The following ABCB10 variants were observed in gnomAD, a reference collection of about 807,000 sequenced individuals.
The protein encoded by ABCB10 is ATP binding cassette subfamily B member 10.
In ABCB10, 54 loss-of-function variants were observed where a neutral mutation model predicts 65.4. The ratio of observed to expected loss-of-function variants is 0.83; its 90% confidence interval spans 0.66 to 1.04. ABCB10 has a LOEUF of 1.04. Among genes scored for constraint, ABCB10 ranks in the 50% least tolerant of loss-of-function variants. The pLI, the probability that ABCB10 is intolerant of heterozygous loss-of-function variation, is 0.00. For missense variants in ABCB10, 846 were observed against 976.6 expected (o/e 0.87, Z 1.78); for synonymous variants, 418 against 406.5 (o/e 1.03, Z -0.34).
Position 229,558,001 on chromosome 1 carries a change from G to C in ABCB10, c.517+135C>G, listed in dbSNP as rs1463430026. 1.0e-5 allele frequency: 10 copies of C among 963,664 alleles called. No homozygotes were observed. In the East Asian group the frequency reaches 3.5e-4, roughly 34 times the overall value. The allele number at this position is 963,664 out of a possible 1,614,324, so 59.7% of individuals were successfully genotyped here. Reference sequence around the variant, plus strand: ...AGGTGAGCGATCCCCTCCCTCCTCCGGGGTTAGGAGTGGCCCAGGAGAGGC... The same window carrying C: ...AGGTGAGCGATCCCCTCCCTCCTCCCGGGTTAGGAGTGGCCCAGGAGAGGC... On this transcript the variant is annotated intron_variant, in intron 1 of 12. Coordinates refer to ENST00000344517, the MANE Select transcript of ABCB10 (RefSeq NM_012089.3).
At chr1:229,537,688 G>A (rs911398469) in intron 6 of ABCB10, among the ~76,000 whole-genome samples, 4 of 152,206 alleles carry the variant, frequency 2.6e-5, no homozygotes, top group African/African-American at 9.7e-5. Context: ...TACTTGGAAG[G>A]CTGAGGCAGG....
chr1:229,555,688 G>A (rs1663232252), intron 1 of ABCB10, among the ~76,000 whole-genome samples: 1 of 152,104 alleles, frequency 6.6e-6, no homozygotes, highest in African/African-American at 2.4e-5. Context: ...ATTAACATTG[G>A]AATTCCTTTT....
chr1:229,534,080 G>A (rs181231469), intron 6 of ABCB10, among the ~76,000 whole-genome samples: 25 of 152,246 alleles, frequency 1.6e-4, no homozygotes, highest in African/African-American at 5.3e-4. Context: ...TCAACAATAC[G>A]GAAACATGAA....
chr1:229,536,647 T>C (rs1030514470), intron 6 of ABCB10, among the ~76,000 whole-genome samples: 3 of 152,194 alleles, frequency 2.0e-5, no homozygotes, highest in African/African-American at 7.2e-5. Context: ...GAAATATTAT[T>C]CAACCATAAA....
rs765118806 is a variant in ABCB10 at position 229,527,325 on chromosome 1, GAAA to G, written c.1646-20_1646-18del. 1.9e-3 allele frequency: 3,122 copies of G among 1,607,830 alleles called. 8 individuals are homozygous for G. The highest frequency in any genetic ancestry group is 2.6e-3 in the Non-Finnish European group (3,021 of 1,175,172). ...TAATAGTTCCTTGTTGAGAGGAAAG[GAAA>G]GGAAAGAGTCACTGAGTGTGATGAG... is the stretch of plus-strand genomic sequence containing the variant. On this transcript the variant is annotated intron_variant, in intron 8 of 12. Transcript: ENST00000344517.
Position 229,517,069 on chromosome 1 carries a change from G to A in ABCB10, c.*1110C>T, listed in dbSNP as rs1483816227. ...GAGGCAACAGCAAATTAACAGCACT[G>A]ATACAAAATATGGCAAATTCAATGG... On this transcript the variant is annotated 3_prime_UTR_variant, in exon 13 of 13. Coordinates refer to ENST00000344517, the MANE Select transcript of ABCB10 (RefSeq NM_012089.3). 2 of 152,088 alleles carry A rather than the reference G, an allele frequency of 1.3e-5. No homozygotes were observed. The highest frequency in any genetic ancestry group is 3.8e-4 in the East Asian group (2 of 5,196). The allele number at this position is 152,088 out of a possible 1,614,324, so 9.4% of individuals were successfully genotyped here. A position where few individuals can be genotyped will look rare whatever the true frequency, so the allele number is the denominator to read the frequency against.
intron 3 of ABCB10, 96 bp downstream of exon 3, chr1:229,547,403 T>A (rs1350880021): frequency 7.0e-7 from 1 of 1,425,782 alleles, no homozygotes; most frequent in African/African-American, 1.4e-5. Context: ...TACAGAATGA[T>A]GCGAACCGCT....
chr1:229,527,656 C>G (rs772756430), intron 8 of ABCB10, among the ~76,000 whole-genome samples: 1 of 152,142 alleles, frequency 6.6e-6, no homozygotes, highest in Non-Finnish European at 1.5e-5. Flanking sequence ...AGCTTTAATT[C>G]AGAAGGGAGG....
chr1:229,541,185 A>T (rs930173817), intron 4 of ABCB10, among the ~76,000 whole-genome samples: 8 of 152,206 alleles, frequency 5.3e-5, no homozygotes, highest in Admixed American at 4.6e-4. Context: ...AACAATAAAC[A>T]TGCATGGTTT....
intron 6 of ABCB10, chr1:229,531,934 C>A: frequency 2.5e-6 from 1 of 405,536 alleles, no homozygotes; most frequent in Non-Finnish European, 4.4e-6. Context: ...GCTTCTCCTC[C>A]TCCAGTTTCA....
rs61824312 is a variant in ABCB10, at chr1:229,530,182, T to G, written c.1645+17A>C. Reference sequence around the variant, plus strand: ...TCGGGAGAGTCCCTCGGTGCTACAGTGTGGTGAACTGCTTACCAGAAGCAG... The same window carrying G: ...TCGGGAGAGTCCCTCGGTGCTACAGGGTGGTGAACTGCTTACCAGAAGCAG... On this transcript the variant is annotated intron_variant, in intron 8 of 12. Coordinates refer to ENST00000344517, the MANE Select transcript of ABCB10 (RefSeq NM_012089.3). 6.2e-7 allele frequency: 1 copy of G among 1,612,860 alleles called. No homozygotes were observed. Among genetic ancestry groups the G allele is most frequent in the South Asian group, 1.1e-5 (1 of 91,040 alleles).
chr1:229,543,536 C>T (rs1662900255), intron 3 of ABCB10, among the ~76,000 whole-genome samples: 1 of 152,200 alleles, frequency 6.6e-6, no homozygotes, highest in Non-Finnish European at 1.5e-5. Flanking sequence ...CATTCATTTA[C>T]TCATTCAACA....
chr1:229,521,429 A>G (rs1662311638), intron 11 of ABCB10, among the ~76,000 whole-genome samples, 163 bp downstream of exon 11: 1 of 151,952 alleles, frequency 6.6e-6, no homozygotes, highest in South Asian at 2.1e-4. Context: ...ACAATATACT[A>G]CACTAACTTA....
At chr1:229,542,127 G>A (rs545546314) in intron 4 of ABCB10, 110 bp downstream of exon 4, 1 of 1,350,006 alleles carries the variant, frequency 7.4e-7, no homozygotes, top group Non-Finnish European at 9.8e-7. Context: ...TGAAAGGAAA[G>A]GCAGGCACTT....
chr1:229,558,346 C>A lies in ABCB10; in HGVS notation c.307G>T (p.Gly103Trp). ...GGAGCGCCTGGCCCGGCAAAAGCCCCGCACCTGCAGCTGCCGGGGCCGCGA... is the reference window on the plus strand; with the variant it reads ...GGAGCGCCTGGCCCGGCAAAAGCCCAGCACCTGCAGCTGCCGGGGCCGCGA... ...WARGPGSCRC[G>W]AFAGPGAPRL... The change falls in exon 1 of 13, where the codon GGG becomes TGG. Residue 103 changes from glycine to tryptophan, a missense_variant. Coordinates refer to ENST00000344517, the MANE Select transcript of ABCB10 (RefSeq NM_012089.3). The A allele has an allele frequency of 5.6e-6, 7 of 1,258,960 alleles. No homozygotes were observed. Among genetic ancestry groups the A allele is most frequent in the East Asian group, 4.3e-5 (1 of 23,280 alleles). 78.0% of individuals were successfully genotyped at this position (1,258,960 alleles called of 1,614,324 possible).
chr1:229,544,194 G>A (rs535875771), intron 3 of ABCB10, among the ~76,000 whole-genome samples: 17 of 152,196 alleles, frequency 1.1e-4, no homozygotes, highest in South Asian at 2.1e-4. Context: ...CAGGCGGATC[G>A]CTTGAGCCCA....
intron 10 of ABCB10, among the ~76,000 whole-genome samples, chr1:229,524,309 TCAC>T (rs1455785537): frequency 6.6e-6 from 1 of 151,630 alleles, no homozygotes; most frequent in African/African-American, 2.4e-5. Context: ...CCATAAGTGC[TCAC>T]CACCACACCT....
Position 229,518,249 on chromosome 1 carries a change from TC to T in ABCB10, c.2146del (p.Glu716LysfsTer14). 6.2e-7 allele frequency: 1 copy of T among 1,614,200 alleles called. No homozygotes were observed. The highest frequency in any genetic ancestry group is 8.5e-7 in the Non-Finnish European group (1 of 1,180,034). On this transcript the variant is annotated frameshift_variant, in exon 13 of 13. Transcript: ENST00000344517. LOFTEE classifies it high-confidence loss of function. Reference sequence around the variant, plus strand: ...CCCATTTGGTTTTGAAAGCAGCTCTTCATGTTTTCCATATTCAGTAATTTTT... The same window carrying T: ...CCCATTTGGTTTTGAAAGCAGCTCTTATGTTTTCCATATTCAGTAATTTTT... ...QGKITEYGKHEELLSKPNGIY... is the reference protein window; with the variant it reads ...QGKITEYGKHXELLSKPNGIY...
chr1:229,521,486 A>AT, intron 11 of ABCB10, 106 bp downstream of exon 11: 2 of 1,400,806 alleles, frequency 1.4e-6, no homozygotes. Context: ...AAAAAAAAAA[A>AT]CAAAAAACAG....
Sources: gnomAD v4.1 joint callset for allele counts (sites outside exome capture counted in the v4.1 genomes callset) on GRCh38, gnomAD v4.1.1 for gene constraint, MANE v1.5 for transcripts, NCBI Gene and HGNC (gene_info 2026-07-23, HGNC 2026-07-21) for gene names.